The following MYRIP variants were observed in gnomAD, a reference collection of about 807,000 sequenced individuals.
MYRIP encodes the protein rab effector MyRIP.
Under a neutral mutation model 98.0 loss-of-function variants are expected in MYRIP, and 49 were observed. That is an observed-to-expected ratio of 0.50 (90% CI 0.40 to 0.63). The LOEUF (loss-of-function observed/expected upper bound fraction) is 0.63, where lower values mean the gene tolerates loss of function less well. MYRIP is among the 30% of genes least tolerant of loss of function. The pLI is 0.00. For missense variants in MYRIP, 1,004 were observed against 1,058.2 expected, an observed-to-expected ratio of 0.95 and a Z score of 0.71; for synonymous variants, 404 against 409.5, an observed-to-expected ratio of 0.99 and a Z score of 0.16.
At chr3:40,062,575 G>A (rs188422006) in intron 3 of MYRIP, among the ~76,000 whole-genome samples, 5 of 152,194 alleles carry the variant, frequency 3.3e-5, no homozygotes, top group Admixed American at 1.3e-4. Flanking sequence ...CAAAATCCAT[G>A]GGCACCCAAA....
chr3:39,872,065 C>G (rs115889634), intron 1 of MYRIP, among the ~76,000 whole-genome samples: 1 of 151,884 alleles, frequency 6.6e-6, no homozygotes, highest in Admixed American at 6.6e-5. Context: ...GAAATAGAGA[C>G]AACTGATGAA....
chr3:39,920,459 G>T (rs1045598954), intron 2 of MYRIP, among the ~76,000 whole-genome samples: 1 of 152,164 alleles, frequency 6.6e-6, no homozygotes, highest in Non-Finnish European at 1.5e-5. Context: ...TGTGGTTAGA[G>T]AAGATTCTTA....
intron 4 of MYRIP, among the ~76,000 whole-genome samples, chr3:40,158,230 T>G (rs2125584374): frequency 6.6e-6 from 1 of 152,366 alleles, no homozygotes; most frequent in East Asian, 1.9e-4. Context: ...AACATATTTA[T>G]TTCTGCCTTT....
chr3:40,039,736 T>A (rs1412892072), intron 2 of MYRIP, among the ~76,000 whole-genome samples: 1 of 152,054 alleles, frequency 6.6e-6, no homozygotes. Context: ...CTTTTTTTTT[T>A]TTAGGTAGAA....
At chr3:40,119,267 C>G (rs1357220118) in intron 3 of MYRIP, among the ~76,000 whole-genome samples, 1 of 152,030 alleles carries the variant, frequency 6.6e-6, no homozygotes, top group Admixed American at 6.5e-5. Context: ...TTAATGATTG[C>G]CATTCTAACT....
chr3:39,872,832 T>C (rs1942845772), intron 1 of MYRIP, among the ~76,000 whole-genome samples: 1 of 152,232 alleles, frequency 6.6e-6, no homozygotes, highest in Non-Finnish European at 1.5e-5. Flanking sequence ...GCATGATTTA[T>C]AGTCCTTTGG....
In MYRIP at chr3:39,809,820, T is replaced by A. The variant is rs1003413461; in HGVS notation, c.-127T>A. 1.3e-5 allele frequency: 2 copies of A among 152,254 alleles called. No homozygotes were observed. Among genetic ancestry groups the A allele is most frequent in the Non-Finnish European group, 1.5e-5 (1 of 68,092 alleles). The allele number at this position is 152,254 out of a possible 1,614,324, so 9.4% of individuals were successfully genotyped here. ...GCAGCCTCTAATCCACGCGGCGCGTTGCGGCAGGTGCCCTGGGCGTACTGA... is the reference window on the plus strand; with the variant it reads ...GCAGCCTCTAATCCACGCGGCGCGTAGCGGCAGGTGCCCTGGGCGTACTGA... On this transcript the variant is annotated 5_prime_UTR_variant, in exon 1 of 17. Coordinates refer to ENST00000302541, the MANE Select transcript of MYRIP (RefSeq NM_015460.4).
At chr3:40,151,371 G>T (rs1950116018) in intron 4 of MYRIP, among the ~76,000 whole-genome samples, 187 bp downstream of exon 4, 1 of 152,184 alleles carries the variant, frequency 6.6e-6, no homozygotes, top group South Asian at 2.1e-4. Flanking sequence ...GACTCTTTTG[G>T]TTCCAGCGTC....
At chr3:40,251,474 G>C (rs1163525374) in intron 15 of MYRIP, among the ~76,000 whole-genome samples, 1 of 152,124 alleles carries the variant, frequency 6.6e-6, no homozygotes, top group Non-Finnish European at 1.5e-5. Context: ...TATCCTTACA[G>C]CAGAGCACAA....
intron 3 of MYRIP, among the ~76,000 whole-genome samples, chr3:40,064,415 C>G (rs1305765178): frequency 6.6e-6 from 1 of 152,010 alleles, no homozygotes; most frequent in Admixed American, 6.6e-5. Flanking sequence ...ACAGATGATG[C>G]TATATGAGAA....
At chr3:40,114,079 T>C (rs1949218737) in intron 3 of MYRIP, among the ~76,000 whole-genome samples, 1 of 152,152 alleles carries the variant, frequency 6.6e-6, no homozygotes, top group Non-Finnish European at 1.5e-5. Flanking sequence ...TAATAATCAT[T>C]TTGACACCAT....
At chr3:39,896,452 T>A (rs1400333808) in intron 1 of MYRIP, among the ~76,000 whole-genome samples, 1 of 152,202 alleles carries the variant, frequency 6.6e-6, no homozygotes, top group African/African-American at 2.4e-5. Context: ...CAAAGAACAG[T>A]CACAGTGAAA....
intron 3 of MYRIP, among the ~76,000 whole-genome samples, chr3:40,068,464 C>G (rs1948164376): frequency 6.6e-6 from 1 of 152,186 alleles, no homozygotes; most frequent in African/African-American, 2.4e-5. Context: ...ATTTGTGAAG[C>G]TGGAACCAGA....
At chr3:39,931,859 A>G (rs1297074917) in intron 2 of MYRIP, among the ~76,000 whole-genome samples, 1 of 152,150 alleles carries the variant, frequency 6.6e-6, no homozygotes, top group East Asian at 1.9e-4. Context: ...AATAAATCCT[A>G]ATTGGTTATG....
intron 1 of MYRIP, among the ~76,000 whole-genome samples, chr3:39,848,700 A>T (rs545244144): frequency 6.6e-6 from 1 of 152,234 alleles, no homozygotes; most frequent in Non-Finnish European, 1.5e-5. Flanking sequence ...CATGTCAGAC[A>T]TGTAAACATG....
intron 9 of MYRIP, among the ~76,000 whole-genome samples, chr3:40,188,975 G>A (rs116188367): frequency 7.0e-4 from 107 of 152,262 alleles, no homozygotes; most frequent in African/African-American, 2.4e-3. Flanking sequence ...TCAATCCTTG[G>A]GACCATGCTC....
intron 1 of MYRIP, among the ~76,000 whole-genome samples, chr3:39,848,923 G>GA (rs1205028910): frequency 3.3e-5 from 5 of 152,228 alleles, no homozygotes; most frequent in African/African-American, 1.2e-4. Context: ...GCAGACCTAG[G>GA]AAAAATATGC....
chr3:39,957,294 A>G (rs1020653718), intron 2 of MYRIP, among the ~76,000 whole-genome samples: 6 of 151,830 alleles, frequency 4.0e-5, no homozygotes, highest in Non-Finnish European at 8.8e-5. Flanking sequence ...ATACTGGCAA[A>G]CCGAATCCAG....
intron 1 of MYRIP, among the ~76,000 whole-genome samples, chr3:39,840,961 G>A (rs1191508660): frequency 6.6e-6 from 1 of 152,162 alleles, no homozygotes; most frequent in African/African-American, 2.4e-5. Flanking sequence ...TTCTCAAGGA[G>A]TATCTTTGTG....
Sources: allele counts gnomAD v4.1 joint callset (sites outside exome capture counted in the v4.1 genomes callset), GRCh38; gene constraint gnomAD v4.1.1; transcripts MANE v1.5; gene names NCBI Gene and HGNC (gene_info 2026-07-23, HGNC 2026-07-21).